ADAM32: variants seen among roughly 807,000 people sequenced by gnomAD.
ADAM32 encodes the protein ADAM metallopeptidase domain 32.
A neutral mutation model predicts 114.9 loss-of-function variants in ADAM32; 89 were observed. The ratio of observed to expected loss-of-function variants is 0.77; its 90% CI spans 0.65 to 0.92. The LOEUF (loss-of-function observed/expected upper bound fraction) is 0.92. Ranked by LOEUF, ADAM32 falls within the 40% of genes least tolerant of loss-of-function variation. The pLI, the probability that ADAM32 is intolerant of heterozygous loss-of-function variation, is 0.00. For missense variants in ADAM32, 870 were observed against 932.8 expected (o/e 0.93, Z 0.88); for synonymous variants, 285 against 307.5 (o/e 0.93, Z 0.77).
chr8:39,201,170 G>T (rs568628428), intron 11 of ADAM32, among the ~76,000 whole-genome samples: 121 of 152,282 alleles, frequency 7.9e-4, no homozygotes, highest in African/African-American at 2.8e-3. Context: ...GAAAGTCATT[G>T]GTAGCTTGAT....
chr8:39,208,672 TG>T (rs1385935986), intron 11 of ADAM32, among the ~76,000 whole-genome samples: 1 of 152,162 alleles, frequency 6.6e-6, no homozygotes, highest in Middle Eastern at 3.2e-3. Context: ...ACAATATTCT[TG>T]GTTGAAAGTT....
intron 2 of ADAM32, among the ~76,000 whole-genome samples, chr8:39,134,440 C>T (rs1312541728): frequency 6.6e-6 from 1 of 152,106 alleles, no homozygotes; most frequent in Non-Finnish European, 1.5e-5. Context: ...GGACTTCCTC[C>T]TGGCTCTCAG....
intron 6 of ADAM32, among the ~76,000 whole-genome samples, chr8:39,158,968 C>G (rs1238163604): frequency 6.6e-6 from 1 of 151,928 alleles, no homozygotes; most frequent in African/African-American, 2.4e-5. Context: ...GCTTTTTGAA[C>G]ATATTTTAAA....
intron 11 of ADAM32, among the ~76,000 whole-genome samples, chr8:39,210,368 C>G (rs1024382486): frequency 2.6e-5 from 4 of 152,148 alleles, no homozygotes; most frequent in Non-Finnish European, 5.9e-5. Flanking sequence ...TGTTGTTATG[C>G]CAAAACCAGT....
At chr8:39,135,727 AGG>A (rs1161600397) in intron 2 of ADAM32, among the ~76,000 whole-genome samples, 1 of 152,084 alleles carries the variant, frequency 6.6e-6, no homozygotes, top group Non-Finnish European at 1.5e-5. Context: ...AGTTCTGAGG[AGG>A]TCAGGTACTT....
intron 3 of ADAM32, among the ~76,000 whole-genome samples, chr8:39,145,088 A>G (rs1803419136): frequency 6.6e-6 from 1 of 152,202 alleles, no homozygotes; most frequent in South Asian, 2.1e-4. Flanking sequence ...AAAATAAAAT[A>G]CTTAGGAGTA....
intron 19 of ADAM32, among the ~76,000 whole-genome samples, chr8:39,263,709 C>T (rs1407233668): frequency 1.3e-5 from 2 of 152,130 alleles, no homozygotes; most frequent in African/African-American, 2.4e-5. Flanking sequence ...TGTCTCACCC[C>T]ACTCGAGCTC....
At chr8:39,268,396 T>C (rs920349037) in intron 19 of ADAM32, among the ~76,000 whole-genome samples, 7 of 152,228 alleles carry the variant, frequency 4.6e-5, no homozygotes, top group African/African-American at 1.7e-4. Context: ...TCTGGAGAAA[T>C]GTCTATTCAA....
In ADAM32 at chr8:39,160,936, G is replaced by A. The variant is rs953140398; in HGVS notation, c.565G>A (p.Glu189Lys). The change falls in exon 7 of 25, where the codon GAA becomes AAA. Residue 189 changes from glutamate (E) to lysine (K), a missense_variant. Transcript: ENST00000379907. Reference protein sequence around the residue: ...AVPDLFPLYLEMHIVVDKTLY... With the variant: ...AVPDLFPLYLKMHIVVDKTLY... ...TCCAGATTTATTTCCTCTTTATCTA[G>A]AAATGCATATTGTGGTGGACAAAAC... 3 of 1,599,614 alleles carry A rather than the reference G, an allele frequency of 1.9e-6. No individual in the cohort carries two copies. Among genetic ancestry groups the A allele is most frequent in the Non-Finnish European group, 2.6e-6 (3 of 1,173,510 alleles).
At chr8:39,204,165 T>G (rs1236546636) in intron 11 of ADAM32, among the ~76,000 whole-genome samples, 1 of 152,214 alleles carries the variant, frequency 6.6e-6, no homozygotes, top group African/African-American at 2.4e-5. Context: ...TTTCCTGAAT[T>G]TGAATGTTGG....
At chr8:39,125,597 T>G (rs1400949236) in intron 2 of ADAM32, among the ~76,000 whole-genome samples, 1 of 152,202 alleles carries the variant, frequency 6.6e-6, no homozygotes, top group East Asian at 1.9e-4. Flanking sequence ...GTGAGTAGAT[T>G]GCAAAAATTT....
At chr8:39,236,861 A>G (rs988654336) in intron 16 of ADAM32, among the ~76,000 whole-genome samples, 1 of 152,186 alleles carries the variant, frequency 6.6e-6, no homozygotes, top group Non-Finnish European at 1.5e-5. Context: ...AGGAGGCAGG[A>G]CTTACTTGCA....
intron 3 of ADAM32, among the ~76,000 whole-genome samples, chr8:39,136,922 A>G (rs1265139396): frequency 6.6e-6 from 1 of 152,198 alleles, no homozygotes; most frequent in African/African-American, 2.4e-5. Flanking sequence ...AGGACAAAAA[A>G]CAGGGACTTA....
chr8:39,223,906 T>C (rs747323903), intron 14 of ADAM32: 1 of 152,176 alleles, frequency 6.6e-6, no homozygotes, highest in Non-Finnish European at 1.5e-5. Flanking sequence ...TTTACCTCTC[T>C]GTATCTAGCT....
intron 11 of ADAM32, among the ~76,000 whole-genome samples, chr8:39,189,709 T>C (rs917667167): frequency 6.6e-6 from 1 of 152,198 alleles, no homozygotes; most frequent in East Asian, 1.9e-4. Context: ...CTAGAACTTA[T>C]TCTTTCTATC....
intron 11 of ADAM32, among the ~76,000 whole-genome samples, chr8:39,202,441 T>G (rs1807490686): frequency 2.0e-5 from 3 of 152,070 alleles, no homozygotes; most frequent in African/African-American, 7.2e-5. Flanking sequence ...TTCTCTGATG[T>G]TAGTTTGTAT....
intron 2 of ADAM32, among the ~76,000 whole-genome samples, chr8:39,118,995 C>T (rs569178871): frequency 1.3e-4 from 20 of 152,296 alleles, no homozygotes; most frequent in African/African-American, 4.3e-4. Flanking sequence ...ATATAAATGG[C>T]AGCATGCAAT....
At chr8:39,264,094 C>T (rs1474560835) in intron 19 of ADAM32, among the ~76,000 whole-genome samples, 1 of 152,068 alleles carries the variant, frequency 6.6e-6, no homozygotes, top group East Asian at 1.9e-4. Context: ...CCTGTCTATC[C>T]CCAGATTACC....
intron 11 of ADAM32, among the ~76,000 whole-genome samples, chr8:39,209,261 C>G (rs537339348): frequency 6.6e-6 from 1 of 152,136 alleles, no homozygotes; most frequent in Non-Finnish European, 1.5e-5. Context: ...CTTCTGCTTT[C>G]GAGACCCTCT....
Sources: allele counts gnomAD v4.1 joint callset (sites outside exome capture counted in the v4.1 genomes callset), GRCh38; gene constraint gnomAD v4.1.1; transcripts MANE v1.5; gene names NCBI Gene and HGNC (gene_info 2026-07-23, HGNC 2026-07-21).